The following CCDC171 variants were observed in gnomAD, a reference collection of about 807,000 sequenced individuals.
The protein encoded by CCDC171 is coiled-coil domain-containing protein 171.
Under a neutral mutation model 168.2 loss-of-function variants are expected in CCDC171, and 177 were observed. The observed-to-expected ratio is 1.05, with a 90% CI of 0.93 to 1.19. The LOEUF (loss-of-function observed/expected upper bound fraction) is 1.19. Ranked by LOEUF, CCDC171 falls within the 50% of genes most tolerant of loss-of-function variation. The pLI is 0.00. For synonymous variants in CCDC171, 687 were observed against 540.8 expected, an observed-to-expected ratio of 1.27 and a Z score of -3.75; for missense variants, 1,991 against 1,539.0, an observed-to-expected ratio of 1.29 and a Z score of -4.91.
chr9:15,596,731 T>G (rs1451206567), intron 6 of CCDC171, among the ~76,000 whole-genome samples: 1 of 151,962 alleles, frequency 6.6e-6, no homozygotes, highest in Non-Finnish European at 1.5e-5. Flanking sequence ...TAAATTACCT[T>G]GGGCAGTATG....
rs557426301 is a variant in CCDC171 at position 15,712,065 on chromosome 9, GA to G, written c.1319-9701del. On this transcript the variant is annotated intron_variant, in intron 11 of 25. Coordinates refer to ENST00000380701, the MANE Select transcript of CCDC171 (RefSeq NM_173550.4). Reference sequence around the variant, plus strand: ...TAAGCTCTGGCAGGAGTCTGAGCCTGAAAGCAAGAGAAGATTGATGTTGCAG... The same window carrying G: ...TAAGCTCTGGCAGGAGTCTGAGCCTGAAGCAAGAGAAGATTGATGTTGCAG... 1.6e-3 allele frequency among the ~76,000 whole-genome samples: 246 copies of G among 152,334 alleles called. 1 individual carries two copies. Among genetic ancestry groups the G allele is most frequent in the Admixed American group, 3.3e-3 (50 of 15,304 alleles).
chr9:15,635,601 A>C (rs2046140540), intron 7 of CCDC171, among the ~76,000 whole-genome samples: 1 of 152,126 alleles, frequency 6.6e-6, no homozygotes, highest in African/African-American at 2.4e-5. Flanking sequence ...CTCCCACTGC[A>C]CTGACTCAAA....
At chr9:15,796,120 A>T (rs577416504) in intron 21 of CCDC171, among the ~76,000 whole-genome samples, 7 of 152,354 alleles carry the variant, frequency 4.6e-5, no homozygotes, top group African/African-American at 1.7e-4. Context: ...AGCTAAACAG[A>T]TACTTTAAGT....
At chr9:15,725,181 T>C (rs1043942501) in intron 14 of CCDC171, among the ~76,000 whole-genome samples, 3 of 152,112 alleles carry the variant, frequency 2.0e-5, no homozygotes, top group African/African-American at 7.2e-5. Flanking sequence ...GCACAACTAA[T>C]TTTTTTTGTT....
intron 24 of CCDC171, among the ~76,000 whole-genome samples, chr9:15,908,293 G>A (rs1823033505): frequency 1.3e-5 from 2 of 152,132 alleles, no homozygotes; most frequent in Non-Finnish European, 2.9e-5. Context: ...AAGAAAATGT[G>A]GCACATATAC....
chr9:16,073,790 G>T, the CCDC171 span, among the ~76,000 whole-genome samples: 1 of 152,194 alleles, frequency 6.6e-6, no homozygotes, highest in Non-Finnish European at 1.5e-5. Context: ...AGTATTCCTG[G>T]GTTAGTCTTC....
At chr9:16,003,720 G>C (rs1168065011) in intron 3 of CCDC171, among the ~76,000 whole-genome samples, 1 of 152,206 alleles carries the variant, frequency 6.6e-6, no homozygotes, top group Non-Finnish European at 1.5e-5. Context: ...TTTAGAAATA[G>C]AGTTACAGGC....
chr9:15,618,762 G>A (rs530792113), intron 6 of CCDC171, among the ~76,000 whole-genome samples: 4 of 152,186 alleles, frequency 2.6e-5, no homozygotes, highest in African/African-American at 9.6e-5. Context: ...GGGGGAGGGA[G>A]TTGCCCTAGC....
At chr9:15,767,110 T>A (rs2056764832) in intron 18 of CCDC171, among the ~76,000 whole-genome samples, 1 of 152,226 alleles carries the variant, frequency 6.6e-6, no homozygotes, top group African/African-American at 2.4e-5. Flanking sequence ...TGTGAGGGCA[T>A]ACATATCAGG....
the CCDC171 span, among the ~76,000 whole-genome samples, chr9:16,076,659 ACT>A: frequency 6.6e-6 from 1 of 152,018 alleles, no homozygotes; most frequent in Middle Eastern, 3.4e-3. Flanking sequence ...TTCTCCATGC[ACT>A]GTTTTGACTT....
chr9:15,991,825 C>T lies in CCDC171; in HGVS notation n.369-28764C>T, dbSNP rs192743732. ...CCTCTACACAAATAAACTAGAAAAT[C>T]TAGAAGAAATGGATAAATTCCTGGA... On this transcript the variant is annotated intron_variant and non_coding_transcript_variant, in intron 3 of 9. Coordinates refer to the CCDC171 transcript ENST00000486641. Among the ~76,000 whole-genome samples, 401 of 152,262 alleles carry T rather than the reference C, an allele frequency of 2.6e-3. 2 individuals carry two copies. Among genetic ancestry groups the T allele is most frequent in the African/African-American group, 9.0e-3 (374 of 41,554 alleles).
At position 15,605,698 on chromosome 9, in the gene CCDC171, GA is replaced by G. The variant is rs893171068; in HGVS notation, c.675+11536del. 5.2e-4 allele frequency among the ~76,000 whole-genome samples: 70 copies of G among 133,466 alleles called. 1 individual carries two copies. Among genetic ancestry groups the G allele is most frequent in the Admixed American group, 1.5e-3 (20 of 13,232 alleles). The allele number at this position is 133,466 out of a possible 152,430, so 87.6% of individuals were successfully genotyped here. On this transcript the variant is annotated intron_variant, in intron 6 of 25. Coordinates refer to ENST00000380701, the MANE Select transcript of CCDC171 (RefSeq NM_173550.4). Reference sequence around the variant, plus strand: ...CGAGACTCTGTCAAAAAAAAAAAAAGAAAAAAAAAAGTCCCTAATTTAGGGA... The same window carrying G: ...CGAGACTCTGTCAAAAAAAAAAAAAGAAAAAAAAAGTCCCTAATTTAGGGA...
chr9:15,824,237 A>C (rs1015902740), intron 21 of CCDC171, among the ~76,000 whole-genome samples: 5 of 152,080 alleles, frequency 3.3e-5, no homozygotes, highest in Non-Finnish European at 5.9e-5. Flanking sequence ...TCTACAGTTT[A>C]TGTAAATAAA....
chr9:16,076,082 A>G, the CCDC171 span, among the ~76,000 whole-genome samples: 1 of 152,216 alleles, frequency 6.6e-6, no homozygotes, highest in Admixed American at 6.5e-5. Context: ...GAGTGGGTGT[A>G]GAGGAGGTAG....
At position 15,863,221 on chromosome 9, in the gene CCDC171, C is replaced by T. The variant is rs573817643; in HGVS notation, c.3469-11311C>T. Among the ~76,000 whole-genome samples the T allele has an allele frequency of 3.3e-5, 5 of 152,118 alleles. No homozygotes were observed. In the South Asian group the frequency reaches 1.0e-3, roughly 32 times the overall value. ...AAAAGTTGGGAGCTGAGAGTTCCCTCCTGGTAATAACGATGCTGTGCTGGG... is the reference window on the plus strand; with the variant it reads ...AAAAGTTGGGAGCTGAGAGTTCCCTTCTGGTAATAACGATGCTGTGCTGGG... On this transcript the variant is annotated intron_variant, in intron 23 of 25. Transcript: ENST00000380701.
chr9:16,075,439 C>A, the CCDC171 span, among the ~76,000 whole-genome samples: 1 of 152,114 alleles, frequency 6.6e-6, no homozygotes, highest in African/African-American at 2.4e-5. Flanking sequence ...CTGTCTGTTA[C>A]GATAGATCTG....
intron 24 of CCDC171, among the ~76,000 whole-genome samples, chr9:15,896,185 A>C (rs1589033854): frequency 6.6e-6 from 1 of 152,070 alleles, no homozygotes. Context: ...GCCTTGATTC[A>C]GTTCTACTTG....
intron 21 of CCDC171, among the ~76,000 whole-genome samples, chr9:15,809,695 C>T (rs1325794902): frequency 1.3e-5 from 2 of 152,146 alleles, no homozygotes; most frequent in Non-Finnish European, 2.9e-5. Flanking sequence ...AAGCTGCAGA[C>T]CTTCGTGGTG....
the CCDC171 span, among the ~76,000 whole-genome samples, chr9:16,081,041 C>T: frequency 6.6e-6 from 1 of 152,188 alleles, no homozygotes; most frequent in Admixed American, 6.5e-5. Flanking sequence ...GGTGGAAGCA[C>T]ATAGGCTTAC....
Sources: gnomAD v4.1 joint callset for allele counts (sites outside exome capture counted in the v4.1 genomes callset) on GRCh38, gnomAD v4.1.1 for gene constraint, MANE v1.5 for transcripts, NCBI Gene and HGNC (gene_info 2026-07-23, HGNC 2026-07-21) for gene names.